PTK2B: variants seen among roughly 807,000 people sequenced by gnomAD.
The protein encoded by PTK2B is protein tyrosine kinase 2 beta, also known as protein-tyrosine kinase 2-beta.
PTK2B carries 71 observed loss-of-function variants against 142.9 expected under a neutral mutation model. The observed-to-expected ratio is 0.50, with a 90% CI of 0.41 to 0.61. The LOEUF is 0.61. Ranked by LOEUF, PTK2B falls within the 20% of genes least tolerant of loss-of-function variation. The pLI, the probability that PTK2B is intolerant of heterozygous loss-of-function variation, is 0.00. For missense variants in PTK2B, 1,105 were observed against 1,320.4 expected (o/e 0.84, Z 2.53); for synonymous variants, 519 against 503.4 (o/e 1.03, Z -0.42).
intron 1 of PTK2B, among the ~76,000 whole-genome samples, chr8:27,375,773 C>T (rs1301191485): frequency 2.6e-5 from 4 of 152,218 alleles, no homozygotes; most frequent in Non-Finnish European, 5.9e-5. Context: ...TATATAGAAG[C>T]GTGCCATGTC....
chr8:27,435,429 A>G (rs1810710110), intron 13 of PTK2B, among the ~76,000 whole-genome samples: 3 of 152,252 alleles, frequency 2.0e-5, no homozygotes, highest in South Asian at 4.1e-4. Flanking sequence ...TAAACATGCA[A>G]CAGGTATTAT....
intron 2 of PTK2B, among the ~76,000 whole-genome samples, chr8:27,413,942 G>A (rs560651206): frequency 6.6e-6 from 1 of 152,240 alleles, no homozygotes; most frequent in Non-Finnish European, 1.5e-5. Context: ...ATCTGTCTTA[G>A]ATTCTATTTT....
Position 27,439,380 on chromosome 8 carries a change from A to G in PTK2B, c.1816A>G (p.Ser606Gly). The change falls in exon 20 of 31, where the codon AGT (serine) becomes GGT (glycine). Residue 606 changes from serine (S) to glycine (G), a missense_variant. Transcript: ENST00000346049. ...TAACTTCCGACGCTTCACGACAGCC[A>G]GTGACGTCTGGATGTTCGGTGAGTG... ...SINFRRFTTA[S>G]DVWMFAVCMW... 1.2e-6 allele frequency: 2 copies of G among 1,613,810 alleles called. No homozygotes were observed. Among genetic ancestry groups the G allele is most frequent in the Middle Eastern group, 1.6e-4 (1 of 6,062 alleles).
At chr8:27,441,589 G>GTGAC (rs1278749371) in intron 21 of PTK2B, among the ~76,000 whole-genome samples, 1 of 152,170 alleles carries the variant, frequency 6.6e-6, no homozygotes, top group East Asian at 1.9e-4. Flanking sequence ...GGCACTGAGG[G>GTGAC]TGACCCTGCA....
chr8:27,357,034 A>T (rs966708096), intron 1 of PTK2B, among the ~76,000 whole-genome samples: 46 of 152,332 alleles, frequency 3.0e-4, no homozygotes, highest in Admixed American at 1.8e-3. Context: ...GGAACTACAT[A>T]CATACCACAC....
intron 1 of PTK2B, among the ~76,000 whole-genome samples, chr8:27,367,730 A>G (rs927477766): frequency 6.6e-6 from 1 of 152,204 alleles, no homozygotes; most frequent in African/African-American, 2.4e-5. Flanking sequence ...CAATCATGGC[A>G]GAAGGGAAGA....
Position 27,397,613 on chromosome 8 carries a change from G to A in PTK2B, c.29G>A (p.Arg10Gln), listed in dbSNP as rs111853465. MSGVSEPLSRVKLGTLRRPE... is the reference protein window; with the variant it reads MSGVSEPLSQVKLGTLRRPE... ...TCTGGGGTGTCCGAGCCCCTGAGTC[G>A]AGTAAAGTTGGGCACGTTACGCCGG... is the stretch of plus-strand genomic sequence containing the variant. Residue 10 changes from arginine to glutamine, a missense_variant, in exon 2 of 31, where the codon CGA (arginine) becomes CAA (glutamine). By Grantham distance (43) the Arg-to-Gln change is conservative. Transcript: ENST00000346049. 751 of 1,614,132 alleles carry A rather than the reference G, an allele frequency of 4.7e-4. 1 individual carries two copies. The highest frequency in any genetic ancestry group is 6.0e-4 in the Non-Finnish European group (707 of 1,180,034).
intron 5 of PTK2B, among the ~76,000 whole-genome samples, chr8:27,424,570 A>C (rs1454541868): frequency 2.6e-5 from 4 of 152,200 alleles, no homozygotes; most frequent in Non-Finnish European, 4.4e-5. Flanking sequence ...CAGGGAGAGG[A>C]TATGGAAAAC....
At chr8:27,385,299 A>G (rs534077578) in intron 1 of PTK2B, among the ~76,000 whole-genome samples, 42 of 152,308 alleles carry the variant, frequency 2.8e-4, no homozygotes, top group Non-Finnish European at 5.4e-4. Context: ...CGAATGCTCA[A>G]GGTCTCAGGG....
At chr8:27,436,649 G>C (rs1810796928) in intron 15 of PTK2B, among the ~76,000 whole-genome samples, 1 of 152,218 alleles carries the variant, frequency 6.6e-6, no homozygotes. Flanking sequence ...AGACAGTTCT[G>C]AGAAAAGGTG....
At position 27,386,372 on chromosome 8, in the gene PTK2B, C is replaced by T. The variant is rs1807354953; in HGVS notation, c.-37-11176C>T. 2.0e-5 allele frequency among the ~76,000 whole-genome samples: 3 copies of T among 152,162 alleles called. No homozygotes were observed. The South Asian group carries it at 6.2e-4, about 32-fold the overall frequency. ...TGTGAGTTATTTTGTATTTAACTTC[C>T]TTGCTTCAGAAAGCCAGTTCTGAGT... is the stretch of plus-strand genomic sequence containing the variant. On this transcript the variant is annotated intron_variant, in intron 1 of 30. Transcript: ENST00000346049.
At chr8:27,379,253 G>A (rs1214839422) in intron 1 of PTK2B, among the ~76,000 whole-genome samples, 1 of 152,158 alleles carries the variant, frequency 6.6e-6, no homozygotes, top group Non-Finnish European at 1.5e-5. Context: ...TTTTTTGTTT[G>A]CTTTTGGAGA....
upstream of PTK2B, chr8:27,310,677 G>C (rs911593416): frequency 1.7e-6 from 2 of 1,154,352 alleles, no homozygotes; most frequent in African/African-American, 1.6e-5. Context: ...GTGGGGTCCT[G>C]CATGCTGGGA....
intron 1 of PTK2B, among the ~76,000 whole-genome samples, chr8:27,391,680 G>A (rs1807737467): frequency 1.3e-5 from 2 of 152,204 alleles, no homozygotes; most frequent in African/African-American, 2.4e-5. Context: ...CTGCAGGCAG[G>A]TCAATGTCTT....
At chr8:27,361,995 C>T (rs577905823) in intron 1 of PTK2B, among the ~76,000 whole-genome samples, 68 of 152,328 alleles carry the variant, frequency 4.5e-4, no homozygotes, top group African/African-American at 1.6e-3. Context: ...ATGCACCGAT[C>T]GTGCCCTGTC....
rs571702988 is a variant in PTK2B, at chr8:27,383,586, T to C, written c.-37-13962T>C. 2.6e-5 allele frequency among the ~76,000 whole-genome samples: 4 copies of C among 152,090 alleles called. No homozygotes were observed. The South Asian group carries it at 8.3e-4, about 31-fold the overall frequency. ...CTCTGTTTCTTTCATCAGTGTTTTATAGTTTCCATCATAAAGGTCTTTCTT... is the reference window on the plus strand; with the variant it reads ...CTCTGTTTCTTTCATCAGTGTTTTACAGTTTCCATCATAAAGGTCTTTCTT... On this transcript the variant is annotated intron_variant, in intron 1 of 30. Transcript: ENST00000346049.
Position 27,437,413 on chromosome 8 carries a change from G to T in PTK2B, c.1444G>T (p.Asp482Tyr). 6.2e-7 allele frequency: 1 copy of T among 1,612,528 alleles called. No individual in the cohort carries two copies. Among genetic ancestry groups the T allele is most frequent in the South Asian group, 1.1e-5 (1 of 90,850 alleles). ...CACTGCAGTGATCATGAAGAACCTC[G>T]ACCACCCGCACATCGTGAAGCTGAT... ...MSEAVIMKNL[D>Y]HPHIVKLIGI... The change falls in exon 17 of 31, where the codon GAC becomes TAC. Residue 482 changes from aspartate to tyrosine, a missense_variant. Coordinates refer to ENST00000346049, the MANE Select transcript of PTK2B (RefSeq NM_173176.3).
chr8:27,369,870 G>A (rs192715601), intron 1 of PTK2B, among the ~76,000 whole-genome samples: 37 of 152,176 alleles, frequency 2.4e-4, no homozygotes, highest in African/African-American at 8.4e-4. Flanking sequence ...CCAGCTACTC[G>A]GAAGGCTGAG....
chr8:27,426,895 T>C (rs1810118154), intron 5 of PTK2B, among the ~76,000 whole-genome samples: 1 of 152,234 alleles, frequency 6.6e-6, no homozygotes, highest in East Asian at 1.9e-4. Flanking sequence ...CAAAATGTGT[T>C]TACCCTTTCA....
Sources: gnomAD v4.1 joint callset for allele counts (sites outside exome capture counted in the v4.1 genomes callset) on GRCh38, gnomAD v4.1.1 for gene constraint, MANE v1.5 for transcripts, NCBI Gene and HGNC (gene_info 2026-07-23, HGNC 2026-07-21) for gene names.